The following PTPRM variants were observed in gnomAD, a reference collection of about 807,000 sequenced individuals.
PTPRM encodes receptor-type tyrosine-protein phosphatase mu.
Under a neutral mutation model 186.7 loss-of-function variants are expected in PTPRM, and 47 were observed. The ratio of observed to expected loss-of-function variants is 0.25; its 90% CI spans 0.20 to 0.32. The LOEUF (loss-of-function observed/expected upper bound fraction) is 0.32. PTPRM is among the 10% of genes least tolerant of loss of function. The probability of loss-of-function intolerance (pLI) is 1.00; values close to 1 mark genes in which losing one functional copy is unlikely to be tolerated. For synonymous variants in PTPRM, 668 were observed against 674.9 expected, an observed-to-expected ratio of 0.99 and a Z score of 0.16; for missense variants, 1,494 against 1,865.0, an observed-to-expected ratio of 0.80 and a Z score of 3.66.
Position 7,567,875 on chromosome 18 carries a change from G to A in PTPRM, c.57G>A (p.Ala19=). The change falls in exon 1 of 33, where the codon GCG becomes GCA. Residue 19 remains alanine (A), a synonymous_variant. Transcript: ENST00000580170. This position sits in a 1 kb window ranked among gnomAD's most constrained non-coding sequence, Gnocchi z 4.3. The part of the protein sequence containing the change: ...ATLAGLLLTA[A]GETFSGGCLF... Reference sequence around the variant, plus strand: ...TGGCCGGACTTTTGCTAACTGCGGCGGGCGAGACGTTCTCAGGTAAGCGGG... The same window carrying A: ...TGGCCGGACTTTTGCTAACTGCGGCAGGCGAGACGTTCTCAGGTAAGCGGG... 1 of 1,561,266 alleles carries A rather than the reference G, an allele frequency of 6.4e-7. No individual in the cohort carries two copies. Among genetic ancestry groups the A allele is most frequent in the Middle Eastern group, 1.7e-4 (1 of 5,920 alleles).
intron 4 of PTPRM, among the ~76,000 whole-genome samples, chr18:7,908,757 A>G (rs1005995378): frequency 6.6e-6 from 1 of 152,214 alleles, no homozygotes; most frequent in Non-Finnish European, 1.5e-5. Flanking sequence ...CTGGAAAACC[A>G]TCAAGGCTGT....
At chr18:7,943,604 A>G (rs1388889343) in intron 5 of PTPRM, among the ~76,000 whole-genome samples, 1 of 152,118 alleles carries the variant, frequency 6.6e-6, no homozygotes, top group African/African-American at 2.4e-5. Context: ...GAAGCCCTAA[A>G]AGAAGGTGAC....
At chr18:8,393,844 A>G (rs533980012) in intron 31 of PTPRM, among the ~76,000 whole-genome samples, 3 of 152,204 alleles carry the variant, frequency 2.0e-5, no homozygotes, top group Non-Finnish European at 2.9e-5. Flanking sequence ...GCTGGAGTGC[A>G]GTAGCACAAT....
At chr18:7,963,346 A>C (rs573309283) in intron 7 of PTPRM, among the ~76,000 whole-genome samples, 4 of 152,312 alleles carry the variant, frequency 2.6e-5, no homozygotes, top group Non-Finnish European at 5.9e-5. Flanking sequence ...CTTGAACCCT[A>C]AGGCAGCAGC....
At chr18:8,380,035 C>T (rs2095722396) in intron 28 of PTPRM, among the ~76,000 whole-genome samples, 1 of 152,168 alleles carries the variant, frequency 6.6e-6, no homozygotes, top group African/African-American at 2.4e-5. Context: ...TCGATATTGC[C>T]TCTCTACCAG....
In PTPRM at chr18:7,696,849, C is replaced by T. The variant is rs534786169; in HGVS notation, c.74-77300C>T. Among the ~76,000 whole-genome samples, 3 of 152,304 alleles carry T rather than the reference C, an allele frequency of 2.0e-5. No homozygotes were observed. The South Asian group carries it at 6.2e-4, about 32-fold the overall frequency. On this transcript the variant is annotated intron_variant, in intron 1 of 32. Coordinates refer to ENST00000580170, the MANE Select transcript of PTPRM (RefSeq NM_001105244.2). ...TAGTATTCTGTGTTTTCATAGCTTC[C>T]AGTTCATGCTGATCATCCTATTGCT...
At chr18:8,388,883 C>A (rs2095794428) in intron 31 of PTPRM, among the ~76,000 whole-genome samples, 1 of 152,134 alleles carries the variant, frequency 6.6e-6, no homozygotes, top group African/African-American at 2.4e-5. Flanking sequence ...ATGGCGTGAA[C>A]CCGGGAGGCG....
chr18:8,036,284 A>G (rs958011735), intron 7 of PTPRM, among the ~76,000 whole-genome samples: 1 of 152,266 alleles, frequency 6.6e-6, no homozygotes, highest in Admixed American at 6.5e-5. Context: ...GATTTGTCCC[A>G]AACAGCATCT....
intron 23 of PTPRM, among the ~76,000 whole-genome samples, chr18:8,352,156 G>A (rs1268671617): frequency 2.0e-5 from 3 of 152,270 alleles, no homozygotes; most frequent in African/African-American, 7.2e-5. Context: ...ATTGAGAACC[G>A]TATATCAACA....
intron 7 of PTPRM, among the ~76,000 whole-genome samples, chr18:7,976,329 GA>G (rs1024454596): frequency 3.3e-5 from 5 of 152,204 alleles, no homozygotes; most frequent in African/African-American, 9.6e-5. Context: ...GTAGATCATA[GA>G]GGACTTTTTC....
At chr18:7,688,896 C>T (rs1478296745) in intron 1 of PTPRM, among the ~76,000 whole-genome samples, 1 of 152,158 alleles carries the variant, frequency 6.6e-6, no homozygotes, top group Non-Finnish European at 1.5e-5. Flanking sequence ...CTTCTTGCCT[C>T]TCTAGTGCTG....
intron 7 of PTPRM, among the ~76,000 whole-genome samples, chr18:8,067,481 G>A (rs2148420999): frequency 6.6e-6 from 1 of 152,270 alleles, no homozygotes; most frequent in Admixed American, 6.5e-5. Flanking sequence ...CGATTTCTTG[G>A]AGGAGTTTTC....
intron 20 of PTPRM, among the ~76,000 whole-genome samples, chr18:8,307,838 T>C (rs1030381983): frequency 1.3e-5 from 2 of 151,744 alleles, no homozygotes; most frequent in Non-Finnish European, 2.9e-5. Context: ...AAAAGAAAGC[T>C]ATAGAGTCAC....
At chr18:8,271,855 C>A (rs1378746722) in intron 19 of PTPRM, among the ~76,000 whole-genome samples, 3 of 151,744 alleles carry the variant, frequency 2.0e-5, no homozygotes, top group Non-Finnish European at 2.9e-5. Context: ...TTTATTTATG[C>A]CTTCTTTTTT....
At chr18:8,007,210 A>G (rs2084241856) in intron 7 of PTPRM, among the ~76,000 whole-genome samples, 1 of 152,184 alleles carries the variant, frequency 6.6e-6, no homozygotes, top group Admixed American at 6.5e-5. Context: ...TTGAGCAAAT[A>G]TTTGTTAGAT....
intron 1 of PTPRM, among the ~76,000 whole-genome samples, chr18:7,728,912 A>G (rs1372860216): frequency 6.7e-6 from 1 of 150,160 alleles, no homozygotes; most frequent in Non-Finnish European, 1.5e-5. Flanking sequence ...TTGAAAATTA[A>G]TTTTCCTCCA....
intron 19 of PTPRM, among the ~76,000 whole-genome samples, chr18:8,257,969 T>C (rs2094590145): frequency 6.6e-6 from 1 of 152,158 alleles, no homozygotes; most frequent in South Asian, 2.1e-4. Context: ...GGAGCAGAGC[T>C]CAGTGCAGGT....
chr18:8,228,851 C>G (rs1568560982), intron 14 of PTPRM, among the ~76,000 whole-genome samples: 1 of 151,914 alleles, frequency 6.6e-6, no homozygotes, highest in East Asian at 1.9e-4. Flanking sequence ...GACTCCGTCT[C>G]AAAAGAAAAG....
At chr18:7,655,221 G>T (rs577165598) in intron 1 of PTPRM, among the ~76,000 whole-genome samples, 1 of 151,670 alleles carries the variant, frequency 6.6e-6, no homozygotes, top group African/African-American at 2.4e-5. Flanking sequence ...TTTTCACACC[G>T]GCTAATTTAA....
Sources: gnomAD v4.1 joint callset for allele counts (sites outside exome capture counted in the v4.1 genomes callset) on GRCh38, gnomAD v4.1.1 for gene constraint, Gnocchi (gnomAD v3.1) non-coding constraint, MANE v1.5 for transcripts, NCBI Gene and HGNC (gene_info 2026-07-23, HGNC 2026-07-21) for gene names.